The following MROH9 variants were observed in gnomAD, a reference collection of about 807,000 sequenced individuals.
MROH9 encodes the protein maestro heat-like repeat-containing protein family member 9.
MROH9 carries 92 observed loss-of-function variants against 98.2 expected under a neutral mutation model. That is an observed-to-expected ratio of 0.94 (90% confidence interval 0.79 to 1.11). The LOEUF (loss-of-function observed/expected upper bound fraction) is 1.11. Among genes scored for constraint, MROH9 ranks in the 50% most tolerant of loss-of-function variants. The pLI is 0.00. For missense variants in MROH9, 1,057 were observed against 1,014.8 expected (o/e 1.04, Z -0.57); for synonymous variants, 397 against 368.9 (o/e 1.08, Z -0.87).
intron 3 of MROH9, among the ~76,000 whole-genome samples, chr1:170,948,155 C>A (rs1367323279): frequency 2.0e-5 from 3 of 151,918 alleles, no homozygotes; most frequent in Non-Finnish European, 1.5e-5. Flanking sequence ...AGTCATTTTT[C>A]AAAATTGTTT....
chr1:170,976,278 T>A (rs1464008775), intron 8 of MROH9, among the ~76,000 whole-genome samples: 1 of 152,224 alleles, frequency 6.6e-6, no homozygotes, highest in East Asian at 1.9e-4. Context: ...TTGCTGTGAC[T>A]GGTACTGGTC....
At chr1:170,974,528 G>C (rs1293198954) in intron 8 of MROH9, among the ~76,000 whole-genome samples, 1 of 148,812 alleles carries the variant, frequency 6.7e-6, no homozygotes, top group African/African-American at 2.5e-5. Flanking sequence ...ATACAGAAAA[G>C]AAAAAAAAAG....
chr1:170,969,033 G>A (rs1650339152), intron 7 of MROH9, among the ~76,000 whole-genome samples: 1 of 152,142 alleles, frequency 6.6e-6, no homozygotes, highest in African/African-American at 2.4e-5. Context: ...TAGTTTAGTG[G>A]TTCTCCAACA....
intron 15 of MROH9, among the ~76,000 whole-genome samples, chr1:171,000,938 G>A (rs1386901995): frequency 1.3e-5 from 2 of 151,788 alleles, no homozygotes; most frequent in African/African-American, 4.8e-5. Flanking sequence ...GTCTGTTCAG[G>A]ATATCTAATT....
At chr1:170,936,876 G>T (rs1251478720) in intron 1 of MROH9, among the ~76,000 whole-genome samples, 1 of 151,978 alleles carries the variant, frequency 6.6e-6, no homozygotes, top group African/African-American at 2.4e-5. Flanking sequence ...GGGGAGATCT[G>T]TGTAGGGGGA....
intron 15 of MROH9, among the ~76,000 whole-genome samples, chr1:171,000,621 T>A (rs1206995035): frequency 6.6e-6 from 1 of 152,168 alleles, no homozygotes; most frequent in Non-Finnish European, 1.5e-5. Flanking sequence ...CTTTCTGATT[T>A]GTTGTTGAAT....
intron 1 of MROH9, among the ~76,000 whole-genome samples, chr1:170,938,448 A>G (rs1441103807): frequency 6.6e-6 from 1 of 152,224 alleles, no homozygotes; most frequent in Admixed American, 6.5e-5. Flanking sequence ...ACCTTGCCCC[A>G]GCCCTTCCAG....
At chr1:171,047,183 T>C (rs1653496708) in intron 20 of MROH9, among the ~76,000 whole-genome samples, 1 of 152,204 alleles carries the variant, frequency 6.6e-6, no homozygotes, top group Admixed American at 6.5e-5. Context: ...TTCCACAACC[T>C]TTTTGTACTT....
chr1:171,004,835 T>A (rs577108522), intron 15 of MROH9, among the ~76,000 whole-genome samples: 1 of 152,194 alleles, frequency 6.6e-6, no homozygotes, highest in East Asian at 1.9e-4. Flanking sequence ...TGGGTCAATA[T>A]GTCTGTTTTC....
Position 170,995,527 on chromosome 1 carries a change from G to A in MROH9, c.1333G>A (p.Ala445Thr). The A allele has an allele frequency of 6.2e-7, 1 of 1,613,034 alleles. No individual in the cohort carries two copies. The highest frequency in any genetic ancestry group is 8.5e-7 in the Non-Finnish European group (1 of 1,179,342). ...SELKPILKDR[A>T]LYAQDALRVL... ...GCTGAAACCGATACTCAAGGACAGG[G>A]CTTTGTGAGTTAAAACTGGTTATTT... is the stretch of plus-strand genomic sequence containing the variant. Residue 445 changes from alanine (A) to threonine (T), a missense_variant, in exon 13 of 22, where the codon GCT becomes ACT. Coordinates refer to ENST00000367759, the MANE Select transcript of MROH9 (RefSeq NM_001163629.2).
chr1:170,972,520 A>G (rs569627591), intron 8 of MROH9, among the ~76,000 whole-genome samples: 2 of 152,318 alleles, frequency 1.3e-5, no homozygotes, highest in East Asian at 3.9e-4. Flanking sequence ...AAAAATATAC[A>G]TAGTTTTTGG....
rs1257758942 is a variant in MROH9 at position 171,056,493 on chromosome 1, G to A, written c.2282-5639G>A. On this transcript the variant is annotated intron_variant, in intron 20 of 21. Coordinates refer to ENST00000367759, the MANE Select transcript of MROH9 (RefSeq NM_001163629.2). ...TCAGGGACAGAACCCAGATCTCCCTGGGCCTGAGCCTCTAGTGGGAGGAAT... is the reference window on the plus strand; with the variant it reads ...TCAGGGACAGAACCCAGATCTCCCTAGGCCTGAGCCTCTAGTGGGAGGAAT... Among the ~76,000 whole-genome samples the A allele has an allele frequency of 2.6e-5, 4 of 152,154 alleles. No homozygotes were observed. The East Asian group carries it at 7.7e-4, about 29-fold the overall frequency.
At position 171,064,484 on chromosome 1, in the gene MROH9, A is replaced by G; in HGVS notation, c.*144A>G. 1 of 769,016 alleles carries G rather than the reference A, an allele frequency of 1.3e-6. No individual in the cohort carries two copies. Among genetic ancestry groups the G allele is most frequent in the Non-Finnish European group, 2.0e-6 (1 of 508,058 alleles). 47.6% of individuals were successfully genotyped at this position (769,016 alleles called of 1,614,324 possible). A position where few individuals can be genotyped will look rare whatever the true frequency, so the allele number is the denominator to read the frequency against. On this transcript the variant is annotated 3_prime_UTR_variant, in exon 22 of 22. Transcript: ENST00000367759. ...AGATGCTTTTCTGAAAAATTCTGGA[A>G]GCTTTTACTGTTACTTCTTAATTCT... is the stretch of plus-strand genomic sequence containing the variant.
chr1:171,012,229 C>T (rs1652178338), intron 15 of MROH9, among the ~76,000 whole-genome samples: 1 of 151,794 alleles, frequency 6.6e-6, no homozygotes, highest in East Asian at 1.9e-4. Flanking sequence ...TTTATTTAAA[C>T]TTTCTTTTTG....
At chr1:171,055,712 G>T (rs1571173066) in intron 20 of MROH9, among the ~76,000 whole-genome samples, 1 of 152,014 alleles carries the variant, frequency 6.6e-6, no homozygotes, top group East Asian at 1.9e-4. Context: ...ACATATTGAG[G>T]GGCCAAGATG....
chr1:170,973,221 T>C (rs1650539971), intron 8 of MROH9, among the ~76,000 whole-genome samples: 1 of 152,108 alleles, frequency 6.6e-6, no homozygotes, highest in South Asian at 2.1e-4. Context: ...AGAACATGCA[T>C]GCAAGTAAAC....
chr1:171,017,248 C>T (rs916493843), intron 17 of MROH9, among the ~76,000 whole-genome samples: 4 of 152,192 alleles, frequency 2.6e-5, no homozygotes, highest in Non-Finnish European at 4.4e-5. Flanking sequence ...CTGAGGTATC[C>T]AGGTTCTGTC....
chr1:170,999,857 T>C (rs756244432), intron 15 of MROH9, among the ~76,000 whole-genome samples: 13 of 152,162 alleles, frequency 8.5e-5, no homozygotes, highest in Non-Finnish European at 1.9e-4. Flanking sequence ...TTTTTTGATT[T>C]TCTTGATTAC....
intron 16 of MROH9, 135 bp downstream of exon 16, chr1:171,014,389 G>T: frequency 2.7e-6 from 2 of 745,392 alleles, no homozygotes; most frequent in Non-Finnish European, 2.0e-6. Context: ...AAAGCCTGCT[G>T]TTTTATTAAC....
Sources: gnomAD v4.1 joint callset for allele counts (sites outside exome capture counted in the v4.1 genomes callset) on GRCh38, gnomAD v4.1.1 for gene constraint, MANE v1.5 for transcripts, NCBI Gene and HGNC (gene_info 2026-07-23, HGNC 2026-07-21) for gene names.